PIBF1: variants seen among roughly 807,000 people sequenced by gnomAD.
PIBF1 encodes the protein progesterone-induced-blocking factor 1.
A neutral mutation model predicts 112.5 loss-of-function variants in PIBF1; 90 were observed. The ratio of observed to expected loss-of-function variants is 0.80; its 90% CI spans 0.67 to 0.95. The LOEUF (loss-of-function observed/expected upper bound fraction) is 0.95. Ranked by LOEUF, PIBF1 falls within the 40% of genes least tolerant of loss-of-function variation. The pLI, the probability that PIBF1 is intolerant of heterozygous loss-of-function variation, is 0.00. For missense variants in PIBF1, 915 were observed against 852.3 expected (o/e 1.07, Z -0.92); for synonymous variants, 301 against 288.6 (o/e 1.04, Z -0.44).
chr13:72,872,423 G>T lies in PIBF1; in HGVS notation c.1322+18268G>T, dbSNP rs569542193. ...ACTTGAAATGCTAAAGCACCATTTA[G>T]GTATAGAAATAGAGTTGACATATAA... On this transcript the variant is annotated intron_variant, in intron 10 of 17. Coordinates refer to ENST00000326291, the MANE Select transcript of PIBF1 (RefSeq NM_006346.4). Among the ~76,000 whole-genome samples the T allele has an allele frequency of 1.2e-4, 18 of 152,178 alleles. 1 individual carries two copies. The South Asian group carries it at 3.5e-3, about 30-fold the overall frequency.
At chr13:72,963,290 T>C (rs1200132927) in intron 14 of PIBF1, among the ~76,000 whole-genome samples, 4 of 152,160 alleles carry the variant, frequency 2.6e-5, no homozygotes, top group Admixed American at 1.3e-4. Context: ...TTATAAAAAA[T>C]TGTGAGTTAA....
At chr13:72,845,839 T>C (rs758799067) in intron 9 of PIBF1, among the ~76,000 whole-genome samples, 71 of 152,192 alleles carry the variant, frequency 4.7e-4, no homozygotes, top group African/African-American at 3.9e-4. Flanking sequence ...ATCAAGCCTT[T>C]GGCACCCCCA....
At chr13:72,937,649 G>A (rs146963358) in intron 14 of PIBF1, among the ~76,000 whole-genome samples, 54 of 152,132 alleles carry the variant, frequency 3.5e-4, no homozygotes, top group African/African-American at 1.3e-3. Context: ...GCAAAACCCT[G>A]TCTCTACTAA....
chr13:72,980,331 A>T (rs2043125540), intron 16 of PIBF1, among the ~76,000 whole-genome samples: 1 of 152,220 alleles, frequency 6.6e-6, no homozygotes, highest in South Asian at 2.1e-4. Flanking sequence ...AAAAGTGCTT[A>T]CACAAAGAAG....
chr13:72,987,866 T>TTATTTATTTA (rs1566522345), intron 16 of PIBF1, among the ~76,000 whole-genome samples: 3 of 98,146 alleles, frequency 3.1e-5, no homozygotes, highest in African/African-American at 1.3e-4. Context: ...TTATTTTTTT[T>TTATTTATTTA]TTTTTTTTTT....
At chr13:72,782,507 T>G (rs973289500) in intron 1 of PIBF1, among the ~76,000 whole-genome samples, 158 bp downstream of exon 1, 2 of 152,180 alleles carry the variant, frequency 1.3e-5, no homozygotes, top group African/African-American at 4.8e-5. Context: ...TCACTTTTTC[T>G]TACCTATTTC....
At chr13:72,897,597 C>A (rs2040329578) in intron 11 of PIBF1, among the ~76,000 whole-genome samples, 2 of 152,198 alleles carry the variant, frequency 1.3e-5, no homozygotes, top group African/African-American at 4.8e-5. Flanking sequence ...TAAGGACTCA[C>A]ATAAACTTAA....
intron 12 of PIBF1, among the ~76,000 whole-genome samples, chr13:72,914,576 C>T (rs2041016602): frequency 1.3e-5 from 2 of 152,116 alleles, no homozygotes; most frequent in Admixed American, 1.3e-4. Context: ...CAGTTACTAT[C>T]AATAGGCTAG....
chr13:73,000,234 C>G (rs189944935), intron 17 of PIBF1, among the ~76,000 whole-genome samples: 126 of 152,276 alleles, frequency 8.3e-4, no homozygotes, highest in African/African-American at 2.8e-3. Flanking sequence ...TCTGCTTACT[C>G]ATGTTTTCCA....
chr13:72,954,134 G>A (rs939252563), intron 14 of PIBF1, among the ~76,000 whole-genome samples: 6 of 152,150 alleles, frequency 3.9e-5, no homozygotes, highest in Admixed American at 3.9e-4. Flanking sequence ...GAGCAGGAGG[G>A]AGTAGTAGAA....
chr13:72,959,679 T>C (rs1225264903), intron 14 of PIBF1, among the ~76,000 whole-genome samples: 2 of 152,214 alleles, frequency 1.3e-5, no homozygotes, highest in Non-Finnish European at 2.9e-5. Flanking sequence ...AGAGAAAAAT[T>C]GTAATTTTAG....
At chr13:72,865,514 T>C (rs1478745972) in intron 10 of PIBF1, among the ~76,000 whole-genome samples, 1 of 152,360 alleles carries the variant, frequency 6.6e-6, no homozygotes, top group Non-Finnish European at 1.5e-5. Flanking sequence ...TCTACTGTTA[T>C]CTTTTAAATA....
chr13:72,929,025 T>C (rs904077526), intron 13 of PIBF1, among the ~76,000 whole-genome samples: 7 of 152,190 alleles, frequency 4.6e-5, no homozygotes, highest in African/African-American at 1.7e-4. Context: ...TATTGTTCTA[T>C]ACTGAGTATA....
intron 10 of PIBF1, among the ~76,000 whole-genome samples, chr13:72,885,385 A>G (rs2039808408): frequency 6.6e-6 from 1 of 152,118 alleles, no homozygotes; most frequent in Non-Finnish European, 1.5e-5. Flanking sequence ...ATTAGTATTT[A>G]ATATTTTAAT....
intron 8 of PIBF1, among the ~76,000 whole-genome samples, chr13:72,828,717 A>C (rs1436492208): frequency 6.6e-6 from 1 of 152,178 alleles, no homozygotes; most frequent in African/African-American, 2.4e-5. Context: ...AGTCTTTGCT[A>C]TTGTGAACAG....
intron 16 of PIBF1, among the ~76,000 whole-genome samples, chr13:72,994,859 T>C (rs941792836): frequency 2.6e-5 from 4 of 152,244 alleles, no homozygotes; most frequent in Non-Finnish European, 5.9e-5. Context: ...GTTTCCTGTT[T>C]GCTTTGTCAG....
intron 14 of PIBF1, among the ~76,000 whole-genome samples, chr13:72,949,671 A>T (rs1373645393): frequency 1.3e-4 from 20 of 152,156 alleles, no homozygotes; most frequent in Admixed American, 9.2e-4. Flanking sequence ...AGTGTACCTT[A>T]CATAGCAACC....
At chr13:72,794,110 A>T (rs1018339251) in intron 3 of PIBF1, among the ~76,000 whole-genome samples, 1 of 152,190 alleles carries the variant, frequency 6.6e-6, no homozygotes, top group African/African-American at 2.4e-5. Flanking sequence ...GAACAGTATG[A>T]TGTCTTGGAA....
At chr13:72,981,692 T>TA (rs1309633033) in intron 16 of PIBF1, among the ~76,000 whole-genome samples, 1 of 152,224 alleles carries the variant, frequency 6.6e-6, no homozygotes, top group Non-Finnish European at 1.5e-5. Flanking sequence ...GTTATGTACT[T>TA]ATAGTAGTAC....
Sources: allele counts gnomAD v4.1 joint callset (sites outside exome capture counted in the v4.1 genomes callset), GRCh38; gene constraint gnomAD v4.1.1; transcripts MANE v1.5; gene names NCBI Gene and HGNC (gene_info 2026-07-23, HGNC 2026-07-21).